Variants in PSMD8 observed in about 807,000 individuals in gnomAD.
PSMD8 encodes the protein 26S proteasome non-ATPase regulatory subunit 8.
PSMD8 carries 30 observed loss-of-function variants against 40.0 expected under a neutral mutation model. That is an observed-to-expected ratio of 0.75 (90% CI 0.56 to 1.02). The LOEUF (loss-of-function observed/expected upper bound fraction) is 1.02, where lower values mean the gene tolerates loss of function less well. Among genes scored for constraint, PSMD8 ranks in the 50% least tolerant of loss-of-function variants. PSMD8 has a pLI of 0.00. For missense variants in PSMD8, 461 were observed against 463.9 expected (o/e 0.99, Z 0.06); for synonymous variants, 208 against 192.5 (o/e 1.08, Z -0.67).
In PSMD8 at chr19:38,383,364, GC is replaced by G; in HGVS notation, c.1030del (p.Arg344GlyfsTer5). On this transcript the variant is annotated frameshift_variant, in exon 7 of 7. Coordinates refer to ENST00000215071, the MANE Select transcript of PSMD8 (RefSeq NM_002812.5). LOFTEE classifies it high-confidence loss of function. Reference protein sequence around the residue: ...TELAKQVIEYARQLEMIV With the variant: ...TELAKQVIEYXRQLEMIV ...ACTGGCCAAACAGGTCATCGAGTAT[GC>G]CCGGCAGCTGGAGATGATCGTCTGA... The G allele has an allele frequency of 6.2e-7, 1 of 1,613,912 alleles. No homozygotes were observed. Among genetic ancestry groups the G allele is most frequent in the Non-Finnish European group, 8.5e-7 (1 of 1,179,872 alleles).
rs751299821 is a variant in PSMD8, at chr19:38,380,955, C to T, written c.759C>T (p.Ala253=). 45 of 1,591,062 alleles carry T rather than the reference C, an allele frequency of 2.8e-5. No homozygotes were observed. Among genetic ancestry groups the T allele is most frequent in the Non-Finnish European group, 3.7e-5 (43 of 1,167,960 alleles). The change falls in exon 5 of 7, where the codon GCC becomes GCT. Residue 253 remains alanine, a synonymous_variant. Transcript: ENST00000215071. ...KVFLAKGNIP[A]ESYTFFIDIL... ...TCCTGGCCAAGGGTAACATCCCCGC[C>T]GAGAGCTACACCTTCTTCATTGACA...
At position 38,374,631 on chromosome 19, in the gene PSMD8, G is replaced by T. The variant is rs1476880884; in HGVS notation, c.30G>T (p.Ala10=). The T allele has an allele frequency of 1.3e-6, 2 of 1,506,208 alleles. No individual in the cohort carries two copies. Among genetic ancestry groups the T allele is most frequent in the South Asian group, 1.3e-5 (1 of 78,176 alleles). The allele number at this position is 1,506,208 out of a possible 1,614,324, so 93.3% of individuals were successfully genotyped here. The stretch of plus-strand genomic sequence containing the variant: ...TCATTAAGGGCAGGGCTCCGAGGGC[G>T]CCACCTCGAGAGCGACGGCGGGCTA... The part of the protein sequence containing the change: MFIKGRAPR[A]PPRERRRATR... Residue 10 remains alanine, a synonymous_variant, in exon 1 of 7, where the codon GCG becomes GCT. Coordinates refer to ENST00000215071, the MANE Select transcript of PSMD8 (RefSeq NM_002812.5).
At chr19:38,378,477 C>T (rs1009110140) in intron 3 of PSMD8, among the ~76,000 whole-genome samples, 2 of 147,244 alleles carry the variant, frequency 1.4e-5, no homozygotes, top group African/African-American at 5.1e-5. Flanking sequence ...CACTGCACTC[C>T]AGCCTGGGCG....
chr19:38,382,767 C>A, intron 6 of PSMD8: 1 of 177,224 alleles, frequency 5.6e-6, no homozygotes, highest in Admixed American at 5.6e-5. Flanking sequence ...AAAAATTAGC[C>A]GGATGTGGTG....
chr19:38,383,550 G>A lies in PSMD8; in HGVS notation c.*160G>A. The A allele has an allele frequency of 1.0e-6, 1 of 1,004,436 alleles. No homozygotes were observed. Among genetic ancestry groups the A allele is most frequent in the Non-Finnish European group, 1.4e-6 (1 of 692,290 alleles). The allele number at this position is 1,004,436 out of a possible 1,614,324, so 62.2% of individuals were successfully genotyped here. On this transcript the variant is annotated 3_prime_UTR_variant, in exon 7 of 7. Coordinates refer to ENST00000215071, the MANE Select transcript of PSMD8 (RefSeq NM_002812.5). ...GTTCTTATATCTGAAGAACTTGGAG[G>A]TTTTGGGGCATTCAGGAGTTGGAGA...
intron 3 of PSMD8, 77 bp from the exon 4 acceptor site, chr19:38,379,163 A>C: frequency 6.9e-7 from 1 of 1,444,236 alleles, no homozygotes; most frequent in Non-Finnish European, 9.4e-7. Context: ...CGTTGTGAGG[A>C]TTCCTGGAGC....
At chr19:38,378,585 A>G (rs1600497146) in intron 3 of PSMD8, among the ~76,000 whole-genome samples, 1 of 145,698 alleles carries the variant, frequency 6.9e-6, no homozygotes, top group Admixed American at 6.9e-5. Flanking sequence ...CTGAGGTGGG[A>G]GGATGGCTTG....
At chr19:38,375,076 G>A in intron 1 of PSMD8, 115 bp downstream of exon 1, 1 of 1,452,342 alleles carries the variant, frequency 6.9e-7, no homozygotes, top group Non-Finnish European at 9.1e-7. Context: ...GCGAGACTGA[G>A]GCGGGCTGGG....
chr19:38,376,198 G>A lies in PSMD8; in HGVS notation c.399G>A (p.Gly133=). Residue 133 remains glycine, a synonymous_variant, in exon 2 of 7, where the codon GGG becomes GGA. Transcript: ENST00000215071. ...AGCTCAACTTCTTGCCAACCACAGG[G>A]ACCAAGCTGACCAAACAGCAGCTAA... ...LLELNFLPTT[G]TKLTKQQLIL... is the part of the protein sequence containing the mutation. 1.2e-6 allele frequency: 2 copies of A among 1,608,230 alleles called. No homozygotes were observed. Among genetic ancestry groups the A allele is most frequent in the Non-Finnish European group, 1.7e-6 (2 of 1,177,230 alleles).
In PSMD8 at chr19:38,374,659, C is replaced by A. The variant is rs751642565; in HGVS notation, c.58C>A (p.Arg20=). ...APPRERRRAT[R]GGLRQVVAPP... ...ACCTCGAGAGCGACGGCGGGCTACC[C>A]GGGGCGGGCTGAGGCAGGTTGTAGC... is the stretch of plus-strand genomic sequence containing the variant. Residue 20 remains arginine (R), a synonymous_variant, in exon 1 of 7, where the codon CGG becomes AGG. Transcript: ENST00000215071. The A allele has an allele frequency of 6.6e-6, 10 of 1,521,186 alleles. No individual in the cohort carries two copies. The East Asian group carries it at 1.2e-4, about 19-fold the overall frequency. 94.2% of individuals were successfully genotyped at this position (1,521,186 alleles called of 1,614,324 possible). A position where few individuals can be genotyped will look rare whatever the true frequency, so the allele number is the denominator to read the frequency against.
chr19:38,382,019 G>A, intron 5 of PSMD8, 98 bp from the exon 6 acceptor site: 1 of 801,374 alleles, frequency 1.2e-6, no homozygotes, highest in Non-Finnish European at 2.1e-6. Flanking sequence ...CATCAGTGCT[G>A]AACTCCAGGG....
At chr19:38,375,026 C>T in intron 1 of PSMD8, 65 bp downstream of exon 1, 1 of 1,526,412 alleles carries the variant, frequency 6.6e-7, no homozygotes, top group Non-Finnish European at 8.8e-7. Flanking sequence ...GGTGTCTGGA[C>T]CCAACCAAGT....
chr19:38,380,689 T>TGAGA (rs374592990), intron 4 of PSMD8, among the ~76,000 whole-genome samples: 2,872 of 101,530 alleles, frequency 0.028, 49 homozygotes, highest in South Asian at 0.053. Flanking sequence ...GAAGAGGGGG[T>TGAGA]GAGAGAGAGA....
chr19:38,374,616 C>T lies in PSMD8; in HGVS notation c.15C>T (p.Gly5=), dbSNP rs944217895. 7 of 1,493,818 alleles carry T rather than the reference C, an allele frequency of 4.7e-6. No individual in the cohort carries two copies. The highest frequency in any genetic ancestry group is 4.3e-5 in the African/African-American group (3 of 69,910). The allele number at this position is 1,493,818 out of a possible 1,614,324, so 92.5% of individuals were successfully genotyped here. A position where few individuals can be genotyped will look rare whatever the true frequency, so the allele number is the denominator to read the frequency against. The change falls in exon 1 of 7, where the codon GGC becomes GGT. Residue 5 remains glycine (G), a synonymous_variant. Coordinates refer to ENST00000215071, the MANE Select transcript of PSMD8 (RefSeq NM_002812.5). ...CTCCAACTGACATGTTCATTAAGGG[C>T]AGGGCTCCGAGGGCGCCACCTCGAG... MFIK[G]RAPRAPPRER...
chr19:38,382,435 A>C (rs1970649114), intron 6 of PSMD8: 1 of 596,680 alleles, frequency 1.7e-6, no homozygotes, highest in South Asian at 2.0e-5. Context: ...AGTACCTGGC[A>C]GCAGCTGGAG....
intron 4 of PSMD8, among the ~76,000 whole-genome samples, chr19:38,380,279 A>G (rs1600498124): frequency 1.3e-5 from 2 of 152,326 alleles, no homozygotes; most frequent in African/African-American, 4.8e-5. Flanking sequence ...GGCTCAAAAA[A>G]GAAAAGAAAA....
intron 4 of PSMD8, among the ~76,000 whole-genome samples, chr19:38,379,890 G>T (rs1415913813): frequency 6.6e-6 from 1 of 152,250 alleles, no homozygotes; most frequent in Non-Finnish European, 1.5e-5. Flanking sequence ...GAGCCCAGGA[G>T]TTCAAGGCTG....
chr19:38,381,719 G>T (rs1158143586), intron 5 of PSMD8, among the ~76,000 whole-genome samples: 1 of 152,118 alleles, frequency 6.6e-6, no homozygotes, highest in Non-Finnish European at 1.5e-5. Context: ...TTTCTACTTC[G>T]GTGTTGTTCG....
At chr19:38,375,520 T>TAG in intron 1 of PSMD8, 1 of 180,488 alleles carries the variant, frequency 5.5e-6, no homozygotes, top group Admixed American at 5.5e-5. Context: ...GTGGGCTGTG[T>TAG]AGAGGGTGTG....
Sources: gnomAD v4.1 joint callset for allele counts (sites outside exome capture counted in the v4.1 genomes callset) on GRCh38, gnomAD v4.1.1 for gene constraint, MANE v1.5 for transcripts, NCBI Gene and HGNC (gene_info 2026-07-23, HGNC 2026-07-21) for gene names.